The following PARP6 variants were observed in gnomAD, a reference collection of about 807,000 sequenced individuals.
PARP6 encodes the protein protein mono-ADP-ribosyltransferase PARP6.
A neutral mutation model predicts 92.0 loss-of-function variants in PARP6; 27 were observed. The ratio of observed to expected loss-of-function variants is 0.29; its 90% confidence interval spans 0.22 to 0.40. PARP6 has a LOEUF of 0.40. PARP6 is among the 10% of genes least tolerant of loss of function. The pLI, the probability that PARP6 is intolerant of heterozygous loss-of-function variation, is 1.00. For synonymous variants in PARP6, 272 were observed against 281.2 expected, an observed-to-expected ratio of 0.97 and a Z score of 0.33; for missense variants, 501 against 784.5, an observed-to-expected ratio of 0.64 and a Z score of 4.32.
At position 72,264,475 on chromosome 15, in the gene PARP6, C is replaced by T. The variant is rs976281405; in HGVS notation, c.395+80G>A. 6 of 1,055,086 alleles carry T rather than the reference C, an allele frequency of 5.7e-6. No individual in the cohort carries two copies. In the African/African-American group the frequency reaches 8.0e-5, roughly 14 times the overall value. The allele number at this position is 1,055,086 out of a possible 1,614,324, so 65.4% of individuals were successfully genotyped here. On this transcript the variant is annotated intron_variant, in intron 8 of 23. Coordinates refer to ENST00000569795, the MANE Select transcript of PARP6 (RefSeq NM_001323532.2). The stretch of plus-strand genomic sequence containing the variant: ...TTGGAAGGGGGCATTCCATCCAAGG[C>T]TCTGCCTGTCCATCCATATATTTCC...
intron 15 of PARP6, chr15:72,254,078 G>A (rs554981234): frequency 4.3e-6 from 2 of 470,084 alleles, no homozygotes; most frequent in East Asian, 6.5e-5. Flanking sequence ...CCCCTAGAAG[G>A]ATAGAAGATG....
In PARP6 at chr15:72,259,638, A is replaced by T. The variant is rs761492952; in HGVS notation, c.780T>A (p.Ile260=). 13 of 1,614,056 alleles carry T rather than the reference A, an allele frequency of 8.1e-6. No homozygotes were observed. The highest frequency in any genetic ancestry group is 1.1e-5 in the Non-Finnish European group (13 of 1,179,968). The stretch of plus-strand genomic sequence containing the variant: ...CGAGGAATCCATACTCCAGAGTGGG[A>T]ATGTTCTTGCAGTGACCACTGACCT... ...SPLVSGHCKN[I]PTLEYGFLVQ... is the part of the protein sequence containing the mutation. Residue 260 remains isoleucine, a synonymous_variant, in exon 11 of 24, where the codon ATT becomes ATA. Transcript: ENST00000569795.
chr15:72,258,990 A>C (rs2085495755), intron 11 of PARP6, among the ~76,000 whole-genome samples: 1 of 152,242 alleles, frequency 6.6e-6, no homozygotes, highest in African/African-American at 2.4e-5. Context: ...ATAAATTAAT[A>C]ACAATTCAAG....
chr15:72,250,343 C>T (rs2084186706), intron 18 of PARP6: 1 of 427,864 alleles, frequency 2.3e-6, no homozygotes. Flanking sequence ...TCCTCAACTG[C>T]TGGTTCAGTA....
intron 14 of PARP6, 54 bp from the exon 15 acceptor site, chr15:72,254,574 T>A (rs2084814731): frequency 2.1e-6 from 3 of 1,404,406 alleles, no homozygotes; most frequent in Non-Finnish European, 3.0e-6. Flanking sequence ...TAGAGGAAAG[T>A]AAGATGTGAT....
intron 14 of PARP6, 43 bp from the exon 15 acceptor site, chr15:72,254,563 G>C: frequency 6.8e-7 from 1 of 1,476,764 alleles, no homozygotes; most frequent in Non-Finnish European, 9.5e-7. Context: ...ATAAAGAAAA[G>C]TAGAGGAAAG....
At chr15:72,265,304 G>A (rs1019130607) in intron 6 of PARP6, 109 bp downstream of exon 6, 6 of 1,101,852 alleles carry the variant, frequency 5.4e-6, no homozygotes, top group Non-Finnish European at 8.4e-6. Flanking sequence ...AGACAGAGAT[G>A]AAGAATATGT....
At position 72,242,815 on chromosome 15, in the gene PARP6, A is replaced by G. The variant is rs960968148; in HGVS notation, c.1562-116T>C. The stretch of plus-strand genomic sequence containing the variant: ...AGCAGAGAATAAAACAAAGAAGATT[A>G]TTTTCCCCCACAGAATTTAGTCTGC... On this transcript the variant is annotated intron_variant, in intron 20 of 23. Transcript: ENST00000569795. This position sits in a 1 kb window ranked among gnomAD's most constrained non-coding sequence, Gnocchi z 4.3. 14 of 665,676 alleles carry G rather than the reference A, an allele frequency of 2.1e-5. No individual in the cohort carries two copies. The highest frequency in any genetic ancestry group is 3.4e-5 in the Non-Finnish European group (13 of 379,296). The allele number at this position is 665,676 out of a possible 1,614,324, so 41.2% of individuals were successfully genotyped here.
At position 72,265,489 on chromosome 15, in the gene PARP6, T is replaced by A. The variant is rs927788940; in HGVS notation, c.177-16A>T. The A allele has an allele frequency of 4.0e-5, 63 of 1,591,404 alleles. No homozygotes were observed. The highest frequency in any genetic ancestry group is 4.7e-5 in the Non-Finnish European group (54 of 1,159,458). On this transcript the variant is annotated splice_polypyrimidine_tract_variant and intron_variant, in intron 5 of 23. Coordinates refer to ENST00000569795, the MANE Select transcript of PARP6 (RefSeq NM_001323532.2). Reference sequence around the variant, plus strand: ...TCCATATTCTCTATAGAGATACAGGTGACAACAGGTGAGACTCATTAAGGG... The same window carrying A: ...TCCATATTCTCTATAGAGATACAGGAGACAACAGGTGAGACTCATTAAGGG...
rs191376888 is a variant in PARP6 at position 72,269,352 on chromosome 15, G to C, written c.-195+1671C>G. Among the ~76,000 whole-genome samples the C allele has an allele frequency of 1.7e-3, 254 of 152,014 alleles. 3 individuals are homozygous for C. Among genetic ancestry groups the C allele is most frequent in the African/African-American group, 5.5e-3 (230 of 41,480 alleles). On this transcript the variant is annotated intron_variant, in intron 2 of 23. Transcript: ENST00000569795. ...ATTTTTGTATTTTTAGTAGAGACGG[G>C]GTTTCACCAGGTTGGCCAGGCTGGT...
intron 3 of PARP6, 163 bp downstream of exon 3, chr15:72,267,312 C>A: frequency 1.4e-6 from 1 of 717,186 alleles, no homozygotes; most frequent in Admixed American, 2.3e-5. Context: ...ACAAACACAC[C>A]AAGTAATACT....
intron 9 of PARP6, 42 bp from the exon 10 acceptor site, chr15:72,260,730 T>A: frequency 6.8e-7 from 1 of 1,472,190 alleles, no homozygotes. Context: ...ACTGGGGATT[T>A]CATAGGATCC....
chr15:72,263,703 G>C (rs1224886304), intron 8 of PARP6, among the ~76,000 whole-genome samples: 1 of 152,060 alleles, frequency 6.6e-6, no homozygotes, highest in Non-Finnish European at 1.5e-5. Context: ...TGTCTACATG[G>C]ACAACTCTTA....
chr15:72,261,527 T>C, intron 9 of PARP6, 31 bp downstream of exon 9: 2 of 1,607,122 alleles, frequency 1.2e-6, no homozygotes, highest in Non-Finnish European at 1.7e-6. Context: ...CACAAGGTGT[T>C]TACAGATGAT....
chr15:72,271,798 T>C (rs972215264), intron 1 of PARP6, among the ~76,000 whole-genome samples: 2 of 152,102 alleles, frequency 1.3e-5, no homozygotes, highest in African/African-American at 4.8e-5. Flanking sequence ...ATATGATGAG[T>C]GTCCAGAGAA....
intron 2 of PARP6, among the ~76,000 whole-genome samples, chr15:72,269,028 T>G (rs2086994766): frequency 6.6e-6 from 1 of 152,202 alleles, no homozygotes; most frequent in South Asian, 2.1e-4. Flanking sequence ...ATGGCAAATC[T>G]ACCCTAAAAG....
chr15:72,249,096 A>G (rs2083995479), intron 20 of PARP6, 149 bp downstream of exon 20: 4 of 403,622 alleles, frequency 9.9e-6, no homozygotes, highest in Non-Finnish European at 1.8e-5. Flanking sequence ...AAGAAAATGT[A>G]GAGAGAGAGA....
At chr15:72,250,815 C>A (rs1391334397) in intron 18 of PARP6, 30 bp downstream of exon 18, 7 of 1,125,548 alleles carry the variant, frequency 6.2e-6, no homozygotes, top group South Asian at 2.6e-5. Flanking sequence ...CCCCTCACCA[C>A]CCCCACTGCC....
rs1028603773 is a variant in PARP6, at chr15:72,241,758, A to G, written c.1790+143T>C. 2 of 773,186 alleles carry G rather than the reference A, an allele frequency of 2.6e-6. No individual in the cohort carries two copies. The highest frequency in any genetic ancestry group is 2.5e-5 in the East Asian group (1 of 40,578). The allele number at this position is 773,186 out of a possible 1,614,324, so 47.9% of individuals were successfully genotyped here. ...CATCTATACCCATTCCCATCCTCCA[A>G]TGGTAAAGTCCCAGTGACAGCTCCA... is the stretch of plus-strand genomic sequence containing the variant. On this transcript the variant is annotated intron_variant, in intron 23 of 23. Transcript: ENST00000569795. This position sits in a 1 kb window ranked among gnomAD's most constrained non-coding sequence, Gnocchi z 4.1.
Sources: gnomAD v4.1 joint callset for allele counts (sites outside exome capture counted in the v4.1 genomes callset) on GRCh38, gnomAD v4.1.1 for gene constraint, Gnocchi (gnomAD v3.1) non-coding constraint, MANE v1.5 for transcripts, NCBI Gene and HGNC (gene_info 2026-07-23, HGNC 2026-07-21) for gene names.